The following MAF variants were observed in gnomAD, a reference collection of about 807,000 sequenced individuals.
MAF encodes the protein MAF bZIP transcription factor.
In MAF, 10 loss-of-function variants were observed where a neutral mutation model predicts 22.0. That is an observed-to-expected ratio of 0.45 (90% CI 0.28 to 0.77). The LOEUF (loss-of-function observed/expected upper bound fraction) is 0.77. MAF is among the 30% of genes least tolerant of loss of function. The pLI is 0.12. For synonymous variants in MAF, 337 were observed against 255.8 expected (o/e 1.32, Z -3.03); for missense variants, 544 against 548.4 (o/e 0.99, Z 0.08).
the MAF span, among the ~76,000 whole-genome samples, chr16:79,311,148 T>C: frequency 6.6e-6 from 1 of 151,916 alleles, no homozygotes; most frequent in Non-Finnish European, 1.5e-5. Context: ...TTCGCCAGGC[T>C]CTCTCCCTCC....
chr16:79,479,609 T>C, the MAF span, among the ~76,000 whole-genome samples: 9 of 152,180 alleles, frequency 5.9e-5, no homozygotes, highest in African/African-American at 2.2e-4. Context: ...CAAGCCAACT[T>C]GCCTGTATCT....
the MAF span, among the ~76,000 whole-genome samples, chr16:79,262,132 G>A: frequency 6.6e-6 from 1 of 152,136 alleles, no homozygotes; most frequent in African/African-American, 2.4e-5. Context: ...CACCACAGCA[G>A]GAGCTTTACA....
chr16:79,484,641 A>G, the MAF span, among the ~76,000 whole-genome samples: 2 of 152,142 alleles, frequency 1.3e-5, no homozygotes, highest in African/African-American at 4.8e-5. Flanking sequence ...GGTCAGGTGG[A>G]GTTATGATAC....
At chr16:79,547,898 G>GAC in the MAF span, among the ~76,000 whole-genome samples, 3 of 134,108 alleles carry the variant, frequency 2.2e-5, no homozygotes, top group African/African-American at 8.0e-5. Context: ...GTGTGTGTGT[G>GAC]TGTGAGAGAG....
chr16:79,584,669 A>G (rs1037347941), downstream of MAF, among the ~76,000 whole-genome samples: 4 of 152,252 alleles, frequency 2.6e-5, no homozygotes, highest in African/African-American at 7.2e-5. Context: ...AGGCTGAGAC[A>G]ATAAAGGAAT....
chr16:79,532,059 A>C, the MAF span, among the ~76,000 whole-genome samples: 3 of 152,220 alleles, frequency 2.0e-5, no homozygotes, highest in Non-Finnish European at 4.4e-5. Flanking sequence ...AATTGTTAGC[A>C]TGAGTAGGTT....
At chr16:79,404,532 G>T in the MAF span, among the ~76,000 whole-genome samples, 5 of 152,306 alleles carry the variant, frequency 3.3e-5, no homozygotes, top group East Asian at 9.7e-4. Context: ...ACTGATTCTT[G>T]ACAGGTGTCC....
At chr16:79,558,801 T>C in the MAF span, among the ~76,000 whole-genome samples, 1 of 152,244 alleles carries the variant, frequency 6.6e-6, no homozygotes, top group Admixed American at 6.5e-5. Flanking sequence ...CCTGTGGATC[T>C]AGGATCTTTA....
At chr16:79,303,709 C>A in the MAF span, among the ~76,000 whole-genome samples, 1 of 152,042 alleles carries the variant, frequency 6.6e-6, no homozygotes, top group Admixed American at 6.6e-5. Flanking sequence ...GAGGCACACC[C>A]GTAAGAAAGA....
the MAF span, among the ~76,000 whole-genome samples, chr16:79,226,499 A>C: frequency 6.6e-6 from 1 of 152,108 alleles, no homozygotes; most frequent in African/African-American, 2.4e-5. Context: ...CATGTTCTGC[A>C]CATGTACCCC....
intron 1 of MAF, among the ~76,000 whole-genome samples, chr16:79,586,373 C>T (rs1912841989): frequency 6.6e-6 from 1 of 152,020 alleles, no homozygotes; most frequent in Non-Finnish European, 1.5e-5. Flanking sequence ...GGCCCAGCTT[C>T]TGCCGGTGTG....
the MAF span, among the ~76,000 whole-genome samples, chr16:79,523,017 G>GT: frequency 6.6e-6 from 1 of 152,112 alleles, no homozygotes; most frequent in Non-Finnish European, 1.5e-5. Context: ...ACAATTTTGA[G>GT]GATTTACTTC....
chr16:79,423,619 A>T, the MAF span, among the ~76,000 whole-genome samples: 3 of 152,220 alleles, frequency 2.0e-5, no homozygotes, highest in Non-Finnish European at 4.4e-5. Flanking sequence ...GTGTTATAAT[A>T]GCAGAATTAG....
chr16:79,500,475 C>A, the MAF span, among the ~76,000 whole-genome samples: 2 of 152,126 alleles, frequency 1.3e-5, no homozygotes, highest in Middle Eastern at 3.2e-3. Context: ...GTGTCATACC[C>A]CAGTAGTTGC....
chr16:79,435,159 T>C, the MAF span, among the ~76,000 whole-genome samples: 1 of 152,120 alleles, frequency 6.6e-6, no homozygotes, highest in African/African-American at 2.4e-5. Flanking sequence ...AGTACACCTA[T>C]ACCTATGCAC....
chr16:79,318,560 C>T, the MAF span, among the ~76,000 whole-genome samples: 1 of 152,182 alleles, frequency 6.6e-6, no homozygotes, highest in Non-Finnish European at 1.5e-5. Flanking sequence ...TGCTGGGTGT[C>T]ATCTAAGTCG....
chr16:79,507,102 A>G, the MAF span, among the ~76,000 whole-genome samples: 1 of 143,714 alleles, frequency 7.0e-6, no homozygotes, highest in African/African-American at 2.6e-5. Context: ...TGCTTAATTA[A>G]CTTTTCTGCG....
At chr16:79,240,526 A>AAAAG in the MAF span, among the ~76,000 whole-genome samples, 1 of 134,956 alleles carries the variant, frequency 7.4e-6, no homozygotes, top group Non-Finnish European at 1.5e-5. Flanking sequence ...AAAAAAAAAA[A>AAAAG]GGGCAGCAGC....
chr16:79,498,126 G>A, the MAF span, among the ~76,000 whole-genome samples: 4 of 152,204 alleles, frequency 2.6e-5, no homozygotes, highest in South Asian at 2.1e-4. Flanking sequence ...TAAACCTGAG[G>A]TGTGGTCAGG....
Sources: gnomAD v4.1 joint callset for allele counts (sites outside exome capture counted in the v4.1 genomes callset) on GRCh38, gnomAD v4.1.1 for gene constraint, MANE v1.5 for transcripts, NCBI Gene and HGNC (gene_info 2026-07-23, HGNC 2026-07-21) for gene names.